The following MEGF9 variants were observed in gnomAD, a reference collection of about 807,000 sequenced individuals.
MEGF9 encodes the protein multiple EGF like domains 9.
A neutral mutation model predicts 46.8 loss-of-function variants in MEGF9; 6 were observed. The observed-to-expected ratio is 0.13, with a 90% confidence interval of 0.07 to 0.25. The LOEUF (loss-of-function observed/expected upper bound fraction) is 0.25, where lower values mean the gene tolerates loss of function less well. Among genes scored for constraint, MEGF9 ranks in the 10% least tolerant of loss-of-function variants. The probability of loss-of-function intolerance (pLI) is 1.00; values close to 1 mark genes in which losing one functional copy is unlikely to be tolerated. For synonymous variants in MEGF9, 302 were observed against 330.7 expected (o/e 0.91, Z 0.94); for missense variants, 683 against 792.4 (o/e 0.86, Z 1.66).
At position 120,644,408 on chromosome 9, in the gene MEGF9, T is replaced by C. The variant is rs2132314800; in HGVS notation, c.803+14966A>G. ...AGGGATACATAATATTCATGACATA[T>C]TGCTAGTGATGTTACCTTGATCACA... On this transcript the variant is annotated intron_variant, in intron 2 of 5. Coordinates refer to ENST00000373930, the MANE Select transcript of MEGF9 (RefSeq NM_001080497.3). 2.6e-5 allele frequency among the ~76,000 whole-genome samples: 4 copies of C among 152,346 alleles called. 1 individual carries two copies. The Middle Eastern group carries it at 0.014, about 518-fold the overall frequency.
intron 1 of MEGF9, among the ~76,000 whole-genome samples, chr9:120,693,427 T>G (rs1192591624): frequency 1.3e-5 from 2 of 152,174 alleles, no homozygotes; most frequent in Non-Finnish European, 2.9e-5. Flanking sequence ...TAATCACAGA[T>G]TTTAAGTGTG....
chr9:120,624,420 G>T (rs1219541841), intron 2 of MEGF9, among the ~76,000 whole-genome samples: 1 of 151,952 alleles, frequency 6.6e-6, no homozygotes, highest in Non-Finnish European at 1.5e-5. Context: ...TGGAGACAGG[G>T]TTTTCCCCTG....
intron 2 of MEGF9, among the ~76,000 whole-genome samples, chr9:120,630,777 T>C (rs1167764262): frequency 6.6e-6 from 1 of 152,258 alleles, no homozygotes; most frequent in Non-Finnish European, 1.5e-5. Flanking sequence ...TGAGTACTTT[T>C]CATTTGTATG....
chr9:120,625,853 AAAAG>A (rs1554795117), intron 2 of MEGF9, among the ~76,000 whole-genome samples: 20 of 106,064 alleles, frequency 1.9e-4, no homozygotes, highest in African/African-American at 6.8e-4. Flanking sequence ...AAAAAAAAAA[AAAAG>A]AAAGAAAAGA....
intron 1 of MEGF9, among the ~76,000 whole-genome samples, chr9:120,705,212 A>G (rs370391170): frequency 7.2e-5 from 11 of 152,284 alleles, no homozygotes; most frequent in South Asian, 2.1e-4. Context: ...TCTAAATTAC[A>G]TAGACCAAAA....
At chr9:120,623,399 C>T (rs972070965) in intron 2 of MEGF9, among the ~76,000 whole-genome samples, 1 of 152,164 alleles carries the variant, frequency 6.6e-6, no homozygotes, top group Non-Finnish European at 1.5e-5. Flanking sequence ...TTTCTCACTG[C>T]AAGTAAATTT....
chr9:120,690,298 C>T (rs1445991881), intron 1 of MEGF9, among the ~76,000 whole-genome samples: 3 of 152,068 alleles, frequency 2.0e-5, no homozygotes, highest in Non-Finnish European at 4.4e-5. Context: ...CCAAACCTGA[C>T]ATATTAAAAC....
chr9:120,677,298 A>T (rs549248825), intron 1 of MEGF9, among the ~76,000 whole-genome samples: 3 of 151,144 alleles, frequency 2.0e-5, no homozygotes, highest in South Asian at 2.1e-4. Flanking sequence ...CAGCCTAATT[A>T]AAAAAAAAAT....
At chr9:120,695,023 C>T (rs1039700645) in intron 1 of MEGF9, among the ~76,000 whole-genome samples, 85 of 148,574 alleles carry the variant, frequency 5.7e-4, no homozygotes, top group Non-Finnish European at 9.9e-4. Flanking sequence ...TAGGTGCTGG[C>T]CATATAGTGG....
intron 2 of MEGF9, among the ~76,000 whole-genome samples, chr9:120,647,557 T>C (rs1048670320): frequency 1.3e-5 from 2 of 152,170 alleles, no homozygotes; most frequent in Non-Finnish European, 2.9e-5. Context: ...AATATTCAAG[T>C]GTACCATAAA....
chr9:120,696,058 C>T (rs926792498), intron 1 of MEGF9, among the ~76,000 whole-genome samples: 6 of 152,194 alleles, frequency 3.9e-5, no homozygotes, highest in Non-Finnish European at 8.8e-5. Context: ...CTTGTTCTTA[C>T]ATCCAATACC....
Position 120,605,929 on chromosome 9 carries a change from T to A in MEGF9, c.1358-288A>T, listed in dbSNP as rs1365899308. On this transcript the variant is annotated intron_variant, in intron 5 of 5. Coordinates refer to ENST00000373930, the MANE Select transcript of MEGF9 (RefSeq NM_001080497.3). The surrounding 1 kb of genome is among the most constrained non-coding windows in gnomAD (Gnocchi z 4.0). ...TGGCTCACACCTGTAATCCCAGCAC[T>A]TTGGGCGGCCGAGGGTGGTGGATCA... Among the ~76,000 whole-genome samples the A allele has an allele frequency of 2.0e-5, 3 of 152,004 alleles. No individual in the cohort carries two copies. The highest frequency in any genetic ancestry group is 4.4e-5 in the Non-Finnish European group (3 of 68,004).
At chr9:120,615,276 CGT>C (rs1056889652) in intron 3 of MEGF9, among the ~76,000 whole-genome samples, 2 of 145,636 alleles carry the variant, frequency 1.4e-5, no homozygotes, top group South Asian at 4.3e-4. Flanking sequence ...TATATGTAAG[CGT>C]GTGTGTGTGC....
chr9:120,684,688 C>T (rs1266543887), intron 1 of MEGF9, among the ~76,000 whole-genome samples: 1 of 152,226 alleles, frequency 6.6e-6, no homozygotes, highest in African/African-American at 2.4e-5. Context: ...TCCAACACCA[C>T]TGATCATTCC....
At chr9:120,662,965 T>C (rs917557609) in intron 1 of MEGF9, among the ~76,000 whole-genome samples, 2 of 152,140 alleles carry the variant, frequency 1.3e-5, no homozygotes, top group African/African-American at 4.8e-5. Context: ...TTAAAATACA[T>C]TGGTAAAAAC....
At chr9:120,645,666 G>A (rs2043623109) in intron 2 of MEGF9, among the ~76,000 whole-genome samples, 1 of 152,172 alleles carries the variant, frequency 6.6e-6, no homozygotes, top group Non-Finnish European at 1.5e-5. Context: ...ATGAGGGCCA[G>A]AGCAATTAAT....
chr9:120,639,508 TAAAAAAAAAAAA>T (rs61638928), intron 2 of MEGF9, among the ~76,000 whole-genome samples: 77 of 105,180 alleles, frequency 7.3e-4, no homozygotes, highest in African/African-American at 2.7e-3. Context: ...ACTCCGTCTT[TAAAAAAAAAAAA>T]AAAAAAAAAA....
intron 2 of MEGF9, among the ~76,000 whole-genome samples, chr9:120,625,594 C>T (rs760315421): frequency 8.6e-5 from 13 of 151,438 alleles, no homozygotes; most frequent in Non-Finnish European, 1.5e-4. Context: ...CTAGCACTTT[C>T]GGAGGCTGAG....
At chr9:120,638,585 A>G (rs2043589035) in intron 2 of MEGF9, among the ~76,000 whole-genome samples, 2 of 152,226 alleles carry the variant, frequency 1.3e-5, no homozygotes, top group African/African-American at 2.4e-5. Flanking sequence ...CTATTTTCCA[A>G]CAGGGTGGTA....
Sources: allele counts gnomAD v4.1 joint callset (sites outside exome capture counted in the v4.1 genomes callset), GRCh38; gene constraint gnomAD v4.1.1; non-coding constraint Gnocchi (gnomAD v3.1); transcripts MANE v1.5; gene names NCBI Gene and HGNC (gene_info 2026-07-23, HGNC 2026-07-21).